TENM3: variants seen among roughly 807,000 people sequenced by gnomAD.
TENM3 encodes the protein teneurin transmembrane protein 3, also known as teneurin-3.
TENM3 carries 63 observed loss-of-function variants against 255.1 expected under a neutral mutation model. That is an observed-to-expected ratio of 0.25 (90% CI 0.20 to 0.30). The LOEUF (loss-of-function observed/expected upper bound fraction) is 0.30. Among genes scored for constraint, TENM3 ranks in the 10% least tolerant of loss-of-function variants. The pLI is 1.00. For synonymous variants in TENM3, 1,306 were observed against 1,322.3 expected (o/e 0.99, Z 0.27); for missense variants, 2,929 against 3,461.1 (o/e 0.85, Z 3.86).
the TENM3 span, among the ~76,000 whole-genome samples, chr4:181,686,771 A>G: frequency 6.6e-6 from 1 of 152,144 alleles, no homozygotes; most frequent in African/African-American, 2.4e-5. Flanking sequence ...GTTTATTTTT[A>G]AAATCACTGT....
chr4:181,504,557 C>T, the TENM3 span, among the ~76,000 whole-genome samples: 3 of 152,170 alleles, frequency 2.0e-5, no homozygotes, highest in Middle Eastern at 3.2e-3. Context: ...TTCCTCCTTT[C>T]CCACTGCCAC....
chr4:182,687,046 T>C (rs1407315344), intron 11 of TENM3, among the ~76,000 whole-genome samples: 2 of 152,124 alleles, frequency 1.3e-5, no homozygotes, highest in Admixed American at 6.5e-5. Flanking sequence ...GCCTGTGAGA[T>C]AGAGAATCAC....
At chr4:181,943,507 G>A in the TENM3 span, among the ~76,000 whole-genome samples, 1 of 152,246 alleles carries the variant, frequency 6.6e-6, no homozygotes, top group East Asian at 1.9e-4. Flanking sequence ...CAGTGATTGT[G>A]GTGGATGAAT....
chr4:182,404,654 T>C (rs528875770), intron 3 of TENM3, among the ~76,000 whole-genome samples: 1 of 152,356 alleles, frequency 6.6e-6, no homozygotes, highest in Non-Finnish European at 1.5e-5. Flanking sequence ...GTGAAGCACA[T>C]GCTTTCAAAA....
chr4:182,089,814 T>C, the TENM3 span, among the ~76,000 whole-genome samples: 1 of 152,340 alleles, frequency 6.6e-6, no homozygotes, highest in South Asian at 2.1e-4. Context: ...TTTTTCTATT[T>C]ATTAGTGTCC....
At chr4:182,402,458 G>A (rs368560066) in intron 3 of TENM3, among the ~76,000 whole-genome samples, 6 of 152,080 alleles carry the variant, frequency 3.9e-5, no homozygotes, top group Admixed American at 1.3e-4. Context: ...TCCCACTGAC[G>A]TTTGTACAGT....
At chr4:182,396,867 C>T (rs570490234) in intron 3 of TENM3, among the ~76,000 whole-genome samples, 9 of 152,098 alleles carry the variant, frequency 5.9e-5, no homozygotes, top group African/African-American at 2.2e-4. Context: ...GAGGCTGAGG[C>T]AGGAGAATTG....
chr4:182,041,274 A>T, the TENM3 span, among the ~76,000 whole-genome samples: 1 of 152,206 alleles, frequency 6.6e-6, no homozygotes, highest in Non-Finnish European at 1.5e-5. Flanking sequence ...TTCCTATAAC[A>T]TGCCATTGGG....
upstream of TENM3, chr4:182,141,594 C>G (rs1349273935): frequency 1.3e-5 from 2 of 152,196 alleles, no homozygotes; most frequent in African/African-American, 4.8e-5. Context: ...CCACCAGCGA[C>G]GCCTGGCATA....
At chr4:182,426,665 T>G (rs1771246473) in intron 3 of TENM3, among the ~76,000 whole-genome samples, 1 of 152,206 alleles carries the variant, frequency 6.6e-6, no homozygotes, top group Admixed American at 6.5e-5. Flanking sequence ...TGCAATGTCT[T>G]TATATTTTTA....
At position 182,799,673 on chromosome 4, in the gene TENM3, G is replaced by A. The variant is rs114901569; in HGVS notation, c.7422G>A (p.Gln2474=). 1,041 of 1,548,798 alleles carry A rather than the reference G, an allele frequency of 6.7e-4. 8 individuals carry two copies. The African/African-American group carries it at 0.013, about 19-fold the overall frequency. The part of the protein sequence containing the change: ...FLSLGKMAEV[Q]VSRRRAGGAQ... ...CGCTGGGGAAGATGGCCGAGGTGCA[G>A]GTGAGCCGGCGCCGGGCCGGCGGCG... Residue 2474 remains glutamine (Q), a synonymous_variant, in exon 28 of 28, where the codon CAG becomes CAA. Coordinates refer to ENST00000511685, the MANE Select transcript of TENM3 (RefSeq NM_001080477.4). The surrounding 1 kb of genome is among the most constrained non-coding windows in gnomAD (Gnocchi z 4.2).
At chr4:182,580,063 A>G (rs2152354270) in intron 3 of TENM3, among the ~76,000 whole-genome samples, 1 of 152,250 alleles carries the variant, frequency 6.6e-6, no homozygotes, top group Non-Finnish European at 1.5e-5. Flanking sequence ...AAGGGTGAGG[A>G]CCATTAGAGG....
At chr4:181,805,710 C>T in the TENM3 span, among the ~76,000 whole-genome samples, 3 of 152,110 alleles carry the variant, frequency 2.0e-5, no homozygotes, top group African/African-American at 4.8e-5. Context: ...GCAGCGGAAC[C>T]TTAGCAAAGC....
intron 1 of TENM3, among the ~76,000 whole-genome samples, chr4:182,176,187 TAATA>T (rs1402582820): frequency 6.6e-6 from 1 of 152,140 alleles, no homozygotes; most frequent in Non-Finnish European, 1.5e-5. Context: ...AGAAGGCGTG[TAATA>T]AATGATGTTC....
intron 3 of TENM3, among the ~76,000 whole-genome samples, chr4:182,371,257 A>ACACACACG (rs538983433): frequency 2.0e-5 from 3 of 151,446 alleles, no homozygotes; most frequent in Non-Finnish European, 2.9e-5. Context: ...ACACACACAC[A>ACACACACG]CACAGACTTT....
the TENM3 span, among the ~76,000 whole-genome samples, chr4:182,005,493 C>G: frequency 6.6e-6 from 1 of 152,170 alleles, no homozygotes; most frequent in African/African-American, 2.4e-5. Flanking sequence ...AGTTTGAAGT[C>G]AGGTAGCGTG....
intron 3 of TENM3, among the ~76,000 whole-genome samples, chr4:182,470,262 C>T (rs1732988464): frequency 6.6e-6 from 1 of 152,140 alleles, no homozygotes; most frequent in South Asian, 2.1e-4. Flanking sequence ...AGAAAGGCAA[C>T]CCCTAATTTA....
At chr4:182,321,956 TAATA>T (rs1763081221) in intron 1 of TENM3, among the ~76,000 whole-genome samples, 1 of 151,906 alleles carries the variant, frequency 6.6e-6, no homozygotes, top group Admixed American at 6.6e-5. Flanking sequence ...AAAATAATAA[TAATA>T]AATAAATAAA....
At chr4:182,697,368 C>T (rs535606705) in intron 12 of TENM3, among the ~76,000 whole-genome samples, 2 of 152,128 alleles carry the variant, frequency 1.3e-5, no homozygotes, top group Non-Finnish European at 2.9e-5. Context: ...AGGCAGCAGG[C>T]GTGGAGTTGA....
Sources: gnomAD v4.1 joint callset for allele counts (sites outside exome capture counted in the v4.1 genomes callset) on GRCh38, gnomAD v4.1.1 for gene constraint, Gnocchi (gnomAD v3.1) non-coding constraint, MANE v1.5 for transcripts, NCBI Gene and HGNC (gene_info 2026-07-23, HGNC 2026-07-21) for gene names.